ATP8A2: variants seen among roughly 807,000 people sequenced by gnomAD.
ATP8A2 encodes the protein ATPase phospholipid transporting 8A2.
In ATP8A2, 100 loss-of-function variants were observed where a neutral mutation model predicts 165.6. The observed-to-expected ratio is 0.60, with a 90% CI of 0.51 to 0.71. The LOEUF (loss-of-function observed/expected upper bound fraction) is 0.71. Among genes scored for constraint, ATP8A2 ranks in the 30% least tolerant of loss-of-function variants. The pLI, the probability that ATP8A2 is intolerant of heterozygous loss-of-function variation, is 0.00. For missense variants in ATP8A2, 1,227 were observed against 1,479.5 expected, an observed-to-expected ratio of 0.83 and a Z score of 2.80; for synonymous variants, 543 against 548.8, an observed-to-expected ratio of 0.99 and a Z score of 0.15.
At chr13:25,794,736 G>C (rs1950460613) in intron 27 of ATP8A2, among the ~76,000 whole-genome samples, 1 of 151,144 alleles carries the variant, frequency 6.6e-6, no homozygotes, top group Non-Finnish European at 1.5e-5. Flanking sequence ...ATTGCTTCTT[G>C]GTATTTGAAT....
intron 33 of ATP8A2, among the ~76,000 whole-genome samples, chr13:25,947,700 C>T (rs1437193267): frequency 6.6e-6 from 1 of 152,200 alleles, no homozygotes; most frequent in Non-Finnish European, 1.5e-5. Flanking sequence ...TGGAGCACAA[C>T]TTGGGCTGAG....
At chr13:25,447,756 T>C in intron 1 of ATP8A2, among the ~76,000 whole-genome samples, 1 of 152,148 alleles carries the variant, frequency 6.6e-6, no homozygotes, top group South Asian at 2.1e-4. Context: ...CCAGGAAGAA[T>C]CAGGTCACAT....
At chr13:25,621,535 A>G (rs2040968578) in intron 24 of ATP8A2, among the ~76,000 whole-genome samples, 1 of 152,152 alleles carries the variant, frequency 6.6e-6, no homozygotes, top group African/African-American at 2.4e-5. Context: ...TATCAGACTG[A>G]AATCCGTCCT....
At chr13:25,701,585 C>T (rs1388120044) in intron 25 of ATP8A2, among the ~76,000 whole-genome samples, 1 of 152,042 alleles carries the variant, frequency 6.6e-6, no homozygotes, top group East Asian at 1.9e-4. Flanking sequence ...AACTGTAACC[C>T]AATGCAAACA....
chr13:25,884,326 G>A (rs971202664), intron 33 of ATP8A2, among the ~76,000 whole-genome samples: 19 of 152,138 alleles, frequency 1.2e-4, no homozygotes, highest in Admixed American at 6.6e-4. Context: ...AGTGTTGGAG[G>A]AAGGAAATCA....
chr13:25,405,473 GC>G lies in ATP8A2; in HGVS notation c.76+33188del, dbSNP rs565486553. On this transcript the variant is annotated intron_variant, in intron 1 of 36. Transcript: ENST00000381655. ...CCCCCAGGTCTTCTTTCTGAGTATG[GC>G]CCACGTATCTCAGCCTCCCAGCAGG... is the stretch of plus-strand genomic sequence containing the variant. Among the ~76,000 whole-genome samples, 53 of 152,110 alleles carry G rather than the reference GC, an allele frequency of 3.5e-4. 1 individual carries two copies. The highest frequency in any genetic ancestry group is 1.3e-3 in the African/African-American group (52 of 41,508).
chr13:25,781,636 G>T (rs1464742568), intron 27 of ATP8A2, among the ~76,000 whole-genome samples: 3 of 151,924 alleles, frequency 2.0e-5, no homozygotes, highest in Non-Finnish European at 2.9e-5. Flanking sequence ...TTACAGGAGT[G>T]CACCACCACA....
chr13:25,499,480 T>C (rs1190361686), intron 2 of ATP8A2, among the ~76,000 whole-genome samples: 1 of 152,214 alleles, frequency 6.6e-6, no homozygotes, highest in African/African-American at 2.4e-5. Context: ...ATTGCCTAGC[T>C]ATGTGAGCCT....
At chr13:25,792,395 T>C (rs1400417995) in intron 27 of ATP8A2, among the ~76,000 whole-genome samples, 1 of 152,194 alleles carries the variant, frequency 6.6e-6, no homozygotes, top group Non-Finnish European at 1.5e-5. Context: ...GTCTTTAATA[T>C]GTCTCATCAA....
At chr13:25,625,782 G>A (rs942804993) in intron 24 of ATP8A2, among the ~76,000 whole-genome samples, 1 of 152,120 alleles carries the variant, frequency 6.6e-6, no homozygotes, top group African/African-American at 2.4e-5. Context: ...GAACCAAAAG[G>A]CATAATTGGT....
rs547022735 is a variant in ATP8A2 at position 25,717,605 on chromosome 13, A to C, written c.2384+18260A>C. 1.2e-3 allele frequency among the ~76,000 whole-genome samples: 184 copies of C among 152,326 alleles called. 1 individual carries two copies. The highest frequency in any genetic ancestry group is 4.2e-3 in the African/African-American group (175 of 41,568). ...TGTTGAGCTCTTCTTTTCAAAAAGC[A>C]TCTAAAGATTGAATGAAGAAATATA... On this transcript the variant is annotated intron_variant, in intron 25 of 36. Transcript: ENST00000381655.
chr13:26,024,578 T>C lies in ATP8A2; in HGVS notation c.*4593T>C, dbSNP rs1197961284. Reference sequence around the variant, plus strand: ...GAGCTCCCCCGCGCCGCACCCCGTGTATAATCCAGTGTTAACCTCTGAGGA... The same window carrying C: ...GAGCTCCCCCGCGCCGCACCCCGTGCATAATCCAGTGTTAACCTCTGAGGA... On this transcript the variant is annotated 3_prime_UTR_variant, in exon 37 of 37. Coordinates refer to ENST00000381655, the MANE Select transcript of ATP8A2 (RefSeq NM_016529.6). 6.6e-6 allele frequency: 1 copy of C among 152,236 alleles called. No homozygotes were observed. The highest frequency in any genetic ancestry group is 1.5e-5 in the Non-Finnish European group (1 of 68,058). The allele number at this position is 152,236 out of a possible 1,614,324, so 9.4% of individuals were successfully genotyped here. A position where few individuals can be genotyped will look rare whatever the true frequency, so the allele number is the denominator to read the frequency against.
intron 2 of ATP8A2, among the ~76,000 whole-genome samples, chr13:25,480,528 G>A (rs2036151274): frequency 1.4e-5 from 2 of 148,050 alleles, no homozygotes; most frequent in South Asian, 4.4e-4. Context: ...GGGCGGCGGG[G>A]CAAAGGCGCT....
chr13:25,743,234 G>A (rs1470097611), intron 25 of ATP8A2, among the ~76,000 whole-genome samples: 1 of 152,004 alleles, frequency 6.6e-6, no homozygotes. Context: ...GCCAAGGAAC[G>A]CCATGGAATG....
chr13:25,633,286 A>T (rs111541408), intron 24 of ATP8A2, among the ~76,000 whole-genome samples: 1 of 152,152 alleles, frequency 6.6e-6, no homozygotes, highest in Non-Finnish European at 1.5e-5. Context: ...TGGAGGCTTC[A>T]TTATATACCC....
At chr13:25,518,448 G>A (rs532704460) in intron 2 of ATP8A2, among the ~76,000 whole-genome samples, 160 of 152,334 alleles carry the variant, frequency 1.1e-3, no homozygotes, top group Non-Finnish European at 2.0e-3. Context: ...GCCATGGAAT[G>A]CAGTAGAATA....
rs41300574 is a variant in ATP8A2, at chr13:25,589,657, G to A, written c.2169G>A (p.Ser723=). Reference sequence around the variant, plus strand: ...CAGGGTATTCCTGCCGATTGGTATCGCAGAATATGGCCCTTATCCTATTGA... The same window carrying A: ...CAGGGTATTCCTGCCGATTGGTATCACAGAATATGGCCCTTATCCTATTGA... ...INIGYSCRLV[S]QNMALILLKE... is the part of the protein sequence containing the mutation. Residue 723 remains serine, a synonymous_variant, in exon 24 of 37, where the codon TCG becomes TCA. Coordinates refer to ENST00000381655, the MANE Select transcript of ATP8A2 (RefSeq NM_016529.6). 7.5e-4 allele frequency: 1,201 copies of A among 1,611,698 alleles called. 1 individual carries two copies. The highest frequency in any genetic ancestry group is 1.8e-3 in the African/African-American group (137 of 74,950).
At position 25,554,998 on chromosome 13, in the gene ATP8A2, A is replaced by G. The variant is rs773190563; in HGVS notation, c.1193A>G (p.Asp398Gly). 1.4e-5 allele frequency: 22 copies of G among 1,599,212 alleles called. No individual in the cohort carries two copies. The highest frequency in any genetic ancestry group is 1.4e-5 in the Non-Finnish European group (16 of 1,166,906). Residue 398 changes from aspartate (D) to glycine (G), a missense_variant, in exon 13 of 37, where the codon GAT becomes GGT. Physicochemically the swap from Asp to Gly is moderately conservative, Grantham distance 94. This residue lies in a region of ATP8A2 where 592 missense variants were observed against 785.6 expected (regional missense o/e 0.75). Coordinates refer to ENST00000381655, the MANE Select transcript of ATP8A2 (RefSeq NM_016529.6). ...TQALFINWDT[D>G]MYYIGNDTPA... ...TTGTTCTCTCTCTCTCAGGACACAG[A>G]TATGTATTATATAGGAAATGACACT... is the stretch of plus-strand genomic sequence containing the variant.
At chr13:25,637,826 C>T (rs2041410504) in intron 24 of ATP8A2, among the ~76,000 whole-genome samples, 1 of 152,188 alleles carries the variant, frequency 6.6e-6, no homozygotes, top group African/African-American at 2.4e-5. Context: ...GGGTCCCTGA[C>T]CCCCGAGTAG....
Sources: allele counts gnomAD v4.1 joint callset (sites outside exome capture counted in the v4.1 genomes callset), GRCh38; gene constraint gnomAD v4.1.1; regional missense constraint gnomAD v4.1.1; transcripts MANE v1.5; gene names NCBI Gene and HGNC (gene_info 2026-07-23, HGNC 2026-07-21).